The following TOX4 variants were observed in gnomAD, a reference collection of about 807,000 sequenced individuals.
TOX4 encodes the protein epidermal Langerhans cell protein LCP1.
In TOX4, 12 loss-of-function variants were observed where a neutral mutation model predicts 61.0. That is an observed-to-expected ratio of 0.20 (90% CI 0.13 to 0.32). The LOEUF is 0.32. Among genes scored for constraint, TOX4 ranks in the 10% least tolerant of loss-of-function variants. The probability of loss-of-function intolerance (pLI) is 1.00; values close to 1 mark genes in which losing one functional copy is unlikely to be tolerated. For missense variants in TOX4, 499 were observed against 753.3 expected (o/e 0.66, Z 3.95); for synonymous variants, 268 against 274.8 (o/e 0.98, Z 0.24).
rs1891461075 is a variant in TOX4 at position 21,498,371 on chromosome 14, T to C, written c.*1765T>C. ...TCCAGTTGGTTTCCAAGGGTGATCCTGAAACAGTGTAAAAGGAGGGGCAAA... is the reference window on the plus strand; with the variant it reads ...TCCAGTTGGTTTCCAAGGGTGATCCCGAAACAGTGTAAAAGGAGGGGCAAA... On this transcript the variant is annotated 3_prime_UTR_variant, in exon 9 of 9. Coordinates refer to ENST00000448790, the MANE Select transcript of TOX4 (RefSeq NM_014828.4). The C allele has an allele frequency of 6.2e-7, 1 of 1,613,964 alleles. No homozygotes were observed. The highest frequency in any genetic ancestry group is 1.1e-5 in the South Asian group (1 of 91,072).
At chr14:21,478,008 C>T (rs1027341996) in intron 2 of TOX4, among the ~76,000 whole-genome samples, 7 of 152,208 alleles carry the variant, frequency 4.6e-5, no homozygotes, top group Non-Finnish European at 1.0e-4. Flanking sequence ...GCGATCTCGG[C>T]TCACTGCAAC....
chr14:21,489,478 T>C, intron 5 of TOX4, 75 bp downstream of exon 5: 1 of 1,267,096 alleles, frequency 7.9e-7, no homozygotes. Context: ...GTTTTCTTTT[T>C]TCTTACATGT....
chr14:21,498,507 A>G lies in TOX4; in HGVS notation c.*1901A>G. The G allele has an allele frequency of 3.9e-6, 3 of 763,000 alleles. No individual in the cohort carries two copies. Among genetic ancestry groups the G allele is most frequent in the African/African-American group, 3.5e-5 (2 of 57,204 alleles). 47.3% of individuals were successfully genotyped at this position (763,000 alleles called of 1,614,324 possible). ...ATTCTAAAAAGAGCTTAACATTAGA[A>G]TAGTATATGGTAGAATTACTAGTTC... On this transcript the variant is annotated 3_prime_UTR_variant, in exon 9 of 9. Coordinates refer to ENST00000448790, the MANE Select transcript of TOX4 (RefSeq NM_014828.4).
chr14:21,486,997 A>G (rs956178818), intron 2 of TOX4, among the ~76,000 whole-genome samples: 18 of 152,236 alleles, frequency 1.2e-4, no homozygotes, highest in Non-Finnish European at 2.5e-4. Context: ...CTAAAACAAC[A>G]AAGTATAATT....
chr14:21,483,628 G>A (rs1258655276), intron 2 of TOX4, among the ~76,000 whole-genome samples: 1 of 151,858 alleles, frequency 6.6e-6, no homozygotes. Context: ...AGTGAGTGGT[G>A]ATGGAGCCAT....
chr14:21,489,918 A>G (rs1891256789), intron 5 of TOX4, among the ~76,000 whole-genome samples: 1 of 150,852 alleles, frequency 6.6e-6, no homozygotes, highest in Admixed American at 6.6e-5. Context: ...GTGGTGGCTC[A>G]TGCTTTTAAT....
intron 2 of TOX4, 55 bp downstream of exon 2, chr14:21,477,619 G>A: frequency 6.3e-7 from 1 of 1,594,252 alleles, no homozygotes; most frequent in Non-Finnish European, 8.6e-7. Context: ...CGGTGGGGTA[G>A]GGTAGTGGGG....
rs1210767403 is a variant in TOX4 at position 21,485,231 on chromosome 14, C to A, written c.76-2220C>A. The stretch of plus-strand genomic sequence containing the variant: ...GGGAGTTCAAGACCAGCCTGACCAA[C>A]ATGGAGAAACCCCGTCTCTACTAAA... On this transcript the variant is annotated intron_variant, in intron 2 of 8. Coordinates refer to ENST00000448790, the MANE Select transcript of TOX4 (RefSeq NM_014828.4). Among the ~76,000 whole-genome samples, 2 of 104,644 alleles carry A rather than the reference C, an allele frequency of 1.9e-5. 1 individual carries two copies. The highest frequency in any genetic ancestry group is 4.2e-5 in the Non-Finnish European group (2 of 47,644). The allele number at this position is 104,644 out of a possible 152,430, so 68.7% of individuals were successfully genotyped here. A position where few individuals can be genotyped will look rare whatever the true frequency, so the allele number is the denominator to read the frequency against.
Position 21,498,169 on chromosome 14 carries a change from AAAG to A in TOX4, c.*1569_*1571del, listed in dbSNP as rs570338209. The stretch of plus-strand genomic sequence containing the variant: ...CTACAATACAAATGTTTATTTAAAT[AAAG>A]AAGAAAGCTATTGTACAAATATCAC... On this transcript the variant is annotated 3_prime_UTR_variant, in exon 9 of 9. Coordinates refer to ENST00000448790, the MANE Select transcript of TOX4 (RefSeq NM_014828.4). 3.9e-4 allele frequency: 309 copies of A among 785,204 alleles called. No homozygotes were observed. In the African/African-American group the frequency reaches 5.0e-3, roughly 13 times the overall value. 48.6% of individuals were successfully genotyped at this position (785,204 alleles called of 1,614,324 possible).
chr14:21,495,453 G>T (rs954028083), intron 8 of TOX4, 61 bp downstream of exon 8: 4 of 1,547,448 alleles, frequency 2.6e-6, no homozygotes, highest in Non-Finnish European at 3.5e-6. Context: ...GGGAAACATA[G>T]GAATCTTGAG....
intron 5 of TOX4, among the ~76,000 whole-genome samples, chr14:21,490,294 T>C (rs1283091813): frequency 5.3e-5 from 8 of 151,644 alleles, no homozygotes; most frequent in African/African-American, 1.5e-4. Context: ...CTGGCTGACA[T>C]TGAAACCCCG....
chr14:21,491,989 C>T (rs186071005), intron 5 of TOX4: 5 of 191,686 alleles, frequency 2.6e-5, no homozygotes, highest in African/African-American at 7.2e-5. Context: ...CGAGCCTGGG[C>T]GAGAGAGCAC....
At chr14:21,477,447 A>G in intron 1 of TOX4, 49 bp from the exon 2 acceptor site, 3 of 1,611,244 alleles carry the variant, frequency 1.9e-6, no homozygotes, top group Non-Finnish European at 2.5e-6. Context: ...CTCCAAGCTG[A>G]CTCCCTGCTC....
At chr14:21,478,066 A>G (rs547167920) in intron 2 of TOX4, among the ~76,000 whole-genome samples, 1 of 152,254 alleles carries the variant, frequency 6.6e-6, no homozygotes, top group East Asian at 1.9e-4. Context: ...CCTCCCGAGT[A>G]GCTGGGATTA....
chr14:21,495,530 AAAAGC>A, intron 8 of TOX4, 138 bp downstream of exon 8: 1 of 995,842 alleles, frequency 1.0e-6, no homozygotes, highest in Non-Finnish European at 1.4e-6. Context: ...GGTCTACTAG[AAAAGC>A]TCCCCTGCTT....
Position 21,498,290 on chromosome 14 carries a change from C to G in TOX4, c.*1684C>G. 6.2e-7 allele frequency: 1 copy of G among 1,612,776 alleles called. No homozygotes were observed. The highest frequency in any genetic ancestry group is 8.5e-7 in the Non-Finnish European group (1 of 1,178,724). Reference sequence around the variant, plus strand: ...TTCTTAGGTTTAGAGATGATACCATCTGGGTACCTTTGCTTGAACCGTGCA... The same window carrying G: ...TTCTTAGGTTTAGAGATGATACCATGTGGGTACCTTTGCTTGAACCGTGCA... On this transcript the variant is annotated 3_prime_UTR_variant, in exon 9 of 9. Transcript: ENST00000448790.
intron 5 of TOX4, among the ~76,000 whole-genome samples, chr14:21,490,953 G>A (rs1891278327): frequency 6.6e-6 from 1 of 152,234 alleles, no homozygotes; most frequent in Non-Finnish European, 1.5e-5. Context: ...AGCCTCCCAA[G>A]TAGCTGGGAT....
At chr14:21,487,809 A>G in intron 3 of TOX4, 116 bp downstream of exon 3, 1 of 1,238,918 alleles carries the variant, frequency 8.1e-7, no homozygotes, top group Non-Finnish European at 1.1e-6. Flanking sequence ...TCTTGTGGCT[A>G]AAGGCTCACC....
intron 2 of TOX4, among the ~76,000 whole-genome samples, chr14:21,479,319 ACT>A (rs1891067865): frequency 6.7e-6 from 1 of 149,294 alleles, no homozygotes; most frequent in African/African-American, 2.5e-5. Context: ...ACGTGATCAA[ACT>A]CTGTCTCTAT....
Sources: allele counts gnomAD v4.1 joint callset (sites outside exome capture counted in the v4.1 genomes callset), GRCh38; gene constraint gnomAD v4.1.1; transcripts MANE v1.5; gene names NCBI Gene and HGNC (gene_info 2026-07-23, HGNC 2026-07-21).